The following GPC6 variants were observed in gnomAD, a reference collection of about 807,000 sequenced individuals.
GPC6 encodes glypican 6.
GPC6 carries 14 observed loss-of-function variants against 55.2 expected under a neutral mutation model. The ratio of observed to expected loss-of-function variants is 0.25; its 90% CI spans 0.17 to 0.40. GPC6 has a LOEUF of 0.40. GPC6 is among the 10% of genes least tolerant of loss of function. The pLI is 1.00. For missense variants in GPC6, 641 were observed against 708.5 expected, an observed-to-expected ratio of 0.90 and a Z score of 1.08; for synonymous variants, 278 against 259.6, an observed-to-expected ratio of 1.07 and a Z score of -0.68.
At chr13:93,373,380 A>G (rs1406590048) in intron 1 of GPC6, among the ~76,000 whole-genome samples, 1 of 152,220 alleles carries the variant, frequency 6.6e-6, no homozygotes, top group African/African-American at 2.4e-5. Flanking sequence ...GCTTCCTGGT[A>G]GGGCATGTTT....
chr13:94,174,237 A>C (rs9556358), intron 4 of GPC6, among the ~76,000 whole-genome samples: 59,676 of 151,958 alleles, frequency 0.39, 13,414 homozygotes, highest in African/African-American at 0.6. Context: ...GGGTTAGTGA[A>C]CCTCTGTGCA....
chr13:93,317,823 C>A (rs564034454), intron 1 of GPC6, among the ~76,000 whole-genome samples: 1 of 151,856 alleles, frequency 6.6e-6, no homozygotes, highest in Non-Finnish European at 1.5e-5. Flanking sequence ...GTCTTTTTTC[C>A]TTTTGGAATT....
At chr13:94,167,579 T>C (rs989049324) in intron 4 of GPC6, among the ~76,000 whole-genome samples, 6 of 151,638 alleles carry the variant, frequency 4.0e-5, no homozygotes, top group African/African-American at 1.2e-4. Flanking sequence ...TAGGAGAGAG[T>C]TGAGGACAAA....
chr13:93,456,024 T>C (rs1878439805), intron 1 of GPC6, among the ~76,000 whole-genome samples: 1 of 152,226 alleles, frequency 6.6e-6, no homozygotes. Flanking sequence ...TTGATGTGTT[T>C]AGGTGCTATC....
chr13:93,637,436 G>GACTAATTCAAATCA (rs375742086), intron 2 of GPC6, among the ~76,000 whole-genome samples: 290 of 152,214 alleles, frequency 1.9e-3, no homozygotes, highest in African/African-American at 6.3e-3. Context: ...TGTTTTGCCA[G>GACTAATTCAAATCA]ACTAATTCAA....
intron 1 of GPC6, among the ~76,000 whole-genome samples, chr13:93,412,826 C>G (rs1876560465): frequency 6.6e-6 from 1 of 152,154 alleles, no homozygotes; most frequent in South Asian, 2.1e-4. Context: ...GTGGCAGCAC[C>G]AGTCAGGCTC....
intron 3 of GPC6, among the ~76,000 whole-genome samples, chr13:93,985,569 A>G (rs759887085): frequency 6.6e-6 from 1 of 151,494 alleles, no homozygotes. Context: ...ACACATACCT[A>G]TAGTCTCAGC....
intron 1 of GPC6, among the ~76,000 whole-genome samples, chr13:93,544,919 G>C (rs1874695580): frequency 1.3e-5 from 2 of 152,118 alleles, no homozygotes; most frequent in Admixed American, 1.3e-4. Flanking sequence ...CCCGAGAAAA[G>C]CATACATAGC....
intron 1 of GPC6, among the ~76,000 whole-genome samples, chr13:93,265,992 C>T (rs761788222): frequency 1.3e-5 from 2 of 152,026 alleles, no homozygotes; most frequent in Non-Finnish European, 2.9e-5. Flanking sequence ...TTGGCAAATA[C>T]TTAAAACCAG....
At chr13:93,592,450 C>T (rs1049171713) in intron 2 of GPC6, among the ~76,000 whole-genome samples, 6 of 148,558 alleles carry the variant, frequency 4.0e-5, no homozygotes, top group East Asian at 2.0e-4. Context: ...GGGGTTTCAC[C>T]GTGTTGGCCA....
chr13:93,776,983 T>A (rs1375617649), intron 2 of GPC6, among the ~76,000 whole-genome samples: 1 of 152,214 alleles, frequency 6.6e-6, no homozygotes, highest in Non-Finnish European at 1.5e-5. Flanking sequence ...CCTGTCAGAT[T>A]TCCTTATCCA....
At chr13:94,073,641 G>A (rs1001977899) in intron 4 of GPC6, among the ~76,000 whole-genome samples, 5 of 152,196 alleles carry the variant, frequency 3.3e-5, no homozygotes, top group African/African-American at 1.2e-4. Context: ...AGATTCTGCT[G>A]ATGAGACCTG....
intron 1 of GPC6, among the ~76,000 whole-genome samples, chr13:93,407,401 A>G (rs1041033846): frequency 2.0e-5 from 3 of 152,142 alleles, no homozygotes; most frequent in Admixed American, 2.0e-4. Flanking sequence ...GGTAAAAAAA[A>G]ACACCAACTC....
chr13:94,268,280 T>G (rs1463056911), intron 4 of GPC6, among the ~76,000 whole-genome samples: 1 of 152,162 alleles, frequency 6.6e-6, no homozygotes, highest in Non-Finnish European at 1.5e-5. Flanking sequence ...GACAGCCACA[T>G]TTTTGAAAAG....
intron 3 of GPC6, among the ~76,000 whole-genome samples, chr13:93,886,749 A>ATTTTTTTTTTTTT (rs34726181): frequency 2.2e-5 from 3 of 135,340 alleles, no homozygotes; most frequent in Non-Finnish European, 1.6e-5. Flanking sequence ...AGCATCTGTC[A>ATTTTTTTTTTTTT]TTTTTTTTTT....
intron 1 of GPC6, among the ~76,000 whole-genome samples, chr13:93,519,341 T>A (rs1881320421): frequency 6.6e-6 from 1 of 151,450 alleles, no homozygotes; most frequent in African/African-American, 2.4e-5. Flanking sequence ...TGTGTGTTTC[T>A]GTTACACACA....
At chr13:93,973,928 A>G (rs1880405809) in intron 3 of GPC6, among the ~76,000 whole-genome samples, 2 of 152,220 alleles carry the variant, frequency 1.3e-5, no homozygotes, top group Admixed American at 1.3e-4. Flanking sequence ...AAGTAGTTTC[A>G]GACAGAGTAG....
At chr13:93,803,701 G>C (rs986546984) in intron 2 of GPC6, among the ~76,000 whole-genome samples, 2 of 152,176 alleles carry the variant, frequency 1.3e-5, no homozygotes, top group African/African-American at 4.8e-5. Flanking sequence ...ATTAACTGGT[G>C]AGTGGCTAAA....
At chr13:93,937,888 T>C (rs1175436625) in intron 3 of GPC6, among the ~76,000 whole-genome samples, 1 of 152,184 alleles carries the variant, frequency 6.6e-6, no homozygotes, top group East Asian at 1.9e-4. Flanking sequence ...ATTACTACCT[T>C]TTAGTATAAT....
Sources: gnomAD v4.1 joint callset for allele counts (sites outside exome capture counted in the v4.1 genomes callset) on GRCh38, gnomAD v4.1.1 for gene constraint, MANE v1.5 for transcripts, NCBI Gene and HGNC (gene_info 2026-07-23, HGNC 2026-07-21) for gene names.